Variants in NKAIN2 observed in about 807,000 individuals in gnomAD.
NKAIN2 encodes sodium/potassium transporting ATPase interacting 2, also known as sodium/potassium-transporting ATPase subunit beta-1-interacting protein 2.
In NKAIN2, 14 loss-of-function variants were observed where a neutral mutation model predicts 32.6. The ratio of observed to expected loss-of-function variants is 0.43; its 90% CI spans 0.28 to 0.67. The LOEUF (loss-of-function observed/expected upper bound fraction) is 0.67, where lower values mean the gene tolerates loss of function less well. Ranked by LOEUF, NKAIN2 falls within the 30% of genes least tolerant of loss-of-function variation. The probability of loss-of-function intolerance (pLI) is 0.17; values close to 1 mark genes in which losing one functional copy is unlikely to be tolerated. For missense variants in NKAIN2, 198 were observed against 258.3 expected (o/e 0.77, Z 1.60); for synonymous variants, 80 against 87.2 (o/e 0.92, Z 0.46).
chr6:123,821,499 A>G (rs1773920855), intron 1 of NKAIN2, among the ~76,000 whole-genome samples: 1 of 152,168 alleles, frequency 6.6e-6, no homozygotes, highest in Non-Finnish European at 1.5e-5. Context: ...AGAGAGTTGG[A>G]AATCACAAAG....
intron 1 of NKAIN2, among the ~76,000 whole-genome samples, chr6:124,119,492 T>A (rs1043373935): frequency 1.3e-5 from 2 of 152,158 alleles, no homozygotes; most frequent in Admixed American, 6.5e-5. Flanking sequence ...AGCCATTGGA[T>A]GAATGATTGA....
chr6:124,149,774 G>A (rs1413217325), intron 1 of NKAIN2, among the ~76,000 whole-genome samples: 2 of 152,104 alleles, frequency 1.3e-5, no homozygotes, highest in East Asian at 3.9e-4. Context: ...GCAGACCCTG[G>A]CTGATGGACG....
intron 3 of NKAIN2, among the ~76,000 whole-genome samples, chr6:124,578,523 T>A (rs1036754140): frequency 3.3e-5 from 5 of 151,902 alleles, no homozygotes; most frequent in African/African-American, 1.2e-4. Flanking sequence ...AAGGACTTCA[T>A]CTTGTGGCTT....
chr6:124,286,188 A>T, intron 2 of NKAIN2, among the ~76,000 whole-genome samples: 1 of 152,268 alleles, frequency 6.6e-6, no homozygotes, highest in Non-Finnish European at 1.5e-5. Context: ...CTTAATTTTA[A>T]ATTGAACATT....
chr6:124,464,686 C>T (rs1338072510), intron 3 of NKAIN2, among the ~76,000 whole-genome samples: 3 of 151,912 alleles, frequency 2.0e-5, no homozygotes, highest in South Asian at 2.1e-4. Context: ...AGATGTGTGG[C>T]GTTATTTCTG....
intron 1 of NKAIN2, among the ~76,000 whole-genome samples, chr6:123,815,353 G>C (rs1773648562): frequency 6.6e-6 from 1 of 152,002 alleles, no homozygotes; most frequent in Admixed American, 6.6e-5. Context: ...GGGTCATTTT[G>C]CCCCATTTTA....
rs150369586 is a variant in NKAIN2, at chr6:124,184,522, G to T, written c.55-98483G>T. On this transcript the variant is annotated intron_variant, in intron 1 of 6. Coordinates refer to ENST00000368417, the MANE Select transcript of NKAIN2 (RefSeq NM_001040214.3). ...CCCTTAATATCTTGGTGAAGATATA[G>T]CTGGTATCTTGGTACAGCACTGAGT... 1.2e-3 allele frequency among the ~76,000 whole-genome samples: 181 copies of T among 152,202 alleles called. 1 individual carries two copies. The highest frequency in any genetic ancestry group is 4.1e-3 in the African/African-American group (169 of 41,556).
intron 3 of NKAIN2, among the ~76,000 whole-genome samples, chr6:124,576,496 G>A (rs932509128): frequency 2.0e-5 from 3 of 152,150 alleles, no homozygotes; most frequent in Non-Finnish European, 4.4e-5. Flanking sequence ...ACAAATATAT[G>A]AAGATATTTT....
chr6:124,463,219 A>G (rs1776604033), intron 3 of NKAIN2, among the ~76,000 whole-genome samples: 1 of 152,102 alleles, frequency 6.6e-6, no homozygotes, highest in Admixed American at 6.6e-5. Context: ...AGAATAATTC[A>G]TAATTGAGTA....
intron 3 of NKAIN2, among the ~76,000 whole-genome samples, chr6:124,437,429 T>G (rs995434991): frequency 3.3e-4 from 50 of 152,234 alleles, no homozygotes; most frequent in Non-Finnish European, 1.5e-5. Context: ...CAAGCCGTTA[T>G]GTTCTGTGAT....
At chr6:124,453,497 G>T (rs1476059656) in intron 3 of NKAIN2, among the ~76,000 whole-genome samples, 2 of 151,774 alleles carry the variant, frequency 1.3e-5, no homozygotes, top group African/African-American at 4.8e-5. Flanking sequence ...AAGAATTTTT[G>T]TATGTAGAGG....
intron 5 of NKAIN2, among the ~76,000 whole-genome samples, chr6:124,812,791 A>G (rs1780963446): frequency 6.6e-6 from 1 of 152,080 alleles, no homozygotes; most frequent in Non-Finnish European, 1.5e-5. Context: ...CTGAGAATCA[A>G]CTTTGAACCT....
At chr6:124,092,627 A>G (rs1044622827) in intron 1 of NKAIN2, among the ~76,000 whole-genome samples, 4 of 152,082 alleles carry the variant, frequency 2.6e-5, no homozygotes, top group Non-Finnish European at 4.4e-5. Flanking sequence ...AAGTAAGCTT[A>G]ATTAACCTCT....
chr6:124,717,030 G>A (rs527457463), intron 4 of NKAIN2, among the ~76,000 whole-genome samples: 38 of 152,272 alleles, frequency 2.5e-4, no homozygotes, highest in South Asian at 1.2e-3. Context: ...GTAAGCAAAT[G>A]TTCTTTTACA....
At chr6:123,874,885 C>CTA (rs148111531) in intron 1 of NKAIN2, among the ~76,000 whole-genome samples, 19 of 150,830 alleles carry the variant, frequency 1.3e-4, no homozygotes, top group African/African-American at 4.6e-4. Flanking sequence ...CTCGCTATTC[C>CTA]TACATACATA....
intron 1 of NKAIN2, among the ~76,000 whole-genome samples, chr6:123,976,702 G>T (rs991649719): frequency 4.0e-5 from 6 of 151,794 alleles, no homozygotes; most frequent in African/African-American, 1.5e-4. Flanking sequence ...TAACTATCAT[G>T]CATCATATAT....
chr6:123,860,703 C>T (rs533825951), intron 1 of NKAIN2, among the ~76,000 whole-genome samples: 24 of 152,264 alleles, frequency 1.6e-4, no homozygotes, highest in Middle Eastern at 3.4e-3. Flanking sequence ...AGCCACCATG[C>T]GTGGCAATAG....
At chr6:124,373,106 T>G (rs1799836556) in intron 3 of NKAIN2, among the ~76,000 whole-genome samples, 1 of 152,124 alleles carries the variant, frequency 6.6e-6, no homozygotes, top group Admixed American at 6.5e-5. Flanking sequence ...GCTTTTGGCT[T>G]TGATTGAGAA....
At chr6:124,079,940 GA>G (rs113567677) in intron 1 of NKAIN2, among the ~76,000 whole-genome samples, 251 of 140,650 alleles carry the variant, frequency 1.8e-3, no homozygotes, top group Middle Eastern at 3.7e-3. Flanking sequence ...CATTTGGATG[GA>G]AAAAAAAAAA....
Sources: gnomAD v4.1 joint callset for allele counts (sites outside exome capture counted in the v4.1 genomes callset) on GRCh38, gnomAD v4.1.1 for gene constraint, MANE v1.5 for transcripts, NCBI Gene and HGNC (gene_info 2026-07-23, HGNC 2026-07-21) for gene names.